RAB27A: variants seen among roughly 807,000 people sequenced by gnomAD.
The protein encoded by RAB27A is ras-related protein Rab-27A.
RAB27A carries 17 observed loss-of-function variants against 20.8 expected under a neutral mutation model. The ratio of observed to expected loss-of-function variants is 0.82; its 90% CI spans 0.56 to 1.23. The LOEUF (loss-of-function observed/expected upper bound fraction) is 1.23, where lower values mean the gene tolerates loss of function less well. RAB27A is among the 50% of genes most tolerant of loss of function. The probability of loss-of-function intolerance (pLI) is 0.00; values close to 1 mark genes in which losing one functional copy is unlikely to be tolerated. For missense variants in RAB27A, 277 were observed against 266.7 expected (o/e 1.04, Z -0.27); for synonymous variants, 85 against 92.8 (o/e 0.92, Z 0.48).
rs772009600 is a variant in RAB27A, at chr15:55,209,767, TATAC to T, written c.468-4066_468-4063del. Reference sequence around the variant, plus strand: ...ACATATATATGTGTATGTGTGTACATATACATATATACACACATATGTGTGTATG... The same window carrying T: ...ACATATATATGTGTATGTGTGTACATATATATACACACATATGTGTGTATG... On this transcript the variant is annotated intron_variant, in intron 6 of 6. Coordinates refer to ENST00000336787, the MANE Select transcript of RAB27A (RefSeq NM_183235.3). Among the ~76,000 whole-genome samples the T allele has an allele frequency of 5.4e-3, 624 of 115,334 alleles. 95 individuals carry two copies. The highest frequency in any genetic ancestry group is 0.027 in the African/African-American group (534 of 19,750). 75.7% of individuals were successfully genotyped at this position (115,334 alleles called of 152,430 possible).
At chr15:55,302,687 G>A (rs1033906564) in intron 2 of RAB27A, among the ~76,000 whole-genome samples, 150 of 114,640 alleles carry the variant, frequency 1.3e-3, no homozygotes, top group African/African-American at 6.3e-3. Flanking sequence ...CTGCCCGGCC[G>A]CCCATCGTCT....
At position 55,218,478 on chromosome 15, in the gene RAB27A, C is replaced by T. The variant is rs113090233; in HGVS notation, c.467+5411G>A. On this transcript the variant is annotated intron_variant, in intron 6 of 6. Coordinates refer to ENST00000336787, the MANE Select transcript of RAB27A (RefSeq NM_183235.3). ...CTATTAGAGATCAAGCTATTTGTAC[C>T]GCATTTCATCTAGTTCAAACTAGAG... Among the ~76,000 whole-genome samples the T allele has an allele frequency of 8.5e-5, 13 of 152,272 alleles. 1 individual carries two copies. The highest frequency in any genetic ancestry group is 2.1e-4 in the South Asian group (1 of 4,830).
chr15:55,238,677 G>A (rs1263769238), intron 2 of RAB27A, among the ~76,000 whole-genome samples: 2 of 152,122 alleles, frequency 1.3e-5, no homozygotes, highest in Non-Finnish European at 2.9e-5. Flanking sequence ...ATTGACTCTG[G>A]CCAGCTTAAA....
At chr15:55,253,523 C>A (rs1264326727) in intron 2 of RAB27A, among the ~76,000 whole-genome samples, 1 of 152,098 alleles carries the variant, frequency 6.6e-6, no homozygotes, top group Non-Finnish European at 1.5e-5. Context: ...CCTACCTAGG[C>A]AGATGGAAAG....
chr15:55,266,308 G>C (rs1897482970), intron 2 of RAB27A, among the ~76,000 whole-genome samples: 1 of 152,196 alleles, frequency 6.6e-6, no homozygotes, highest in Non-Finnish European at 1.5e-5. Flanking sequence ...CAGACTTTCA[G>C]CCTCTAGAAC....
chr15:55,215,683 C>T (rs558475594), intron 6 of RAB27A, among the ~76,000 whole-genome samples: 13 of 147,532 alleles, frequency 8.8e-5, no homozygotes, highest in African/African-American at 2.5e-4. Context: ...AACCTCAGGT[C>T]GGGCGCGGTA....
At chr15:55,309,858 G>A (rs557482167) in intron 2 of RAB27A, among the ~76,000 whole-genome samples, 1 of 152,082 alleles carries the variant, frequency 6.6e-6, no homozygotes, top group Non-Finnish European at 1.5e-5. Flanking sequence ...GGTTTTACTA[G>A]GCCTTGGGCT....
chr15:55,238,745 C>G (rs1374337937), intron 2 of RAB27A, among the ~76,000 whole-genome samples: 2 of 152,170 alleles, frequency 1.3e-5, no homozygotes, highest in Non-Finnish European at 2.9e-5. Context: ...GCTGAGTCAA[C>G]AAAGATCACT....
chr15:55,205,370 T>C lies in RAB27A; in HGVS notation c.*137A>G. The C allele has an allele frequency of 1.2e-6, 1 of 851,912 alleles. No homozygotes were observed. Among genetic ancestry groups the C allele is most frequent in the Non-Finnish European group, 2.0e-6 (1 of 506,254 alleles). The allele number at this position is 851,912 out of a possible 1,614,324, so 52.8% of individuals were successfully genotyped here. On this transcript the variant is annotated 3_prime_UTR_variant, in exon 7 of 7. Coordinates refer to ENST00000336787, the MANE Select transcript of RAB27A (RefSeq NM_183235.3). ...CAAATTAATTTTAGAACCGGATGCT[T>C]TATTCGTAGGTCTAATGGGGATGGT...
chr15:55,290,991 G>C (rs1898291966), upstream of RAB27A, among the ~76,000 whole-genome samples: 1 of 152,176 alleles, frequency 6.6e-6, no homozygotes, highest in Admixed American at 6.5e-5. Context: ...CTCACAGTTG[G>C]CATTACAGCA....
intron 3 of RAB27A, among the ~76,000 whole-genome samples, chr15:55,231,053 G>A (rs1041512049): frequency 6.6e-6 from 1 of 152,152 alleles, no homozygotes; most frequent in African/African-American, 2.4e-5. Flanking sequence ...CCACTTATAA[G>A]TGAGAATGCA....
At chr15:55,287,130 G>C (rs973043543) in intron 1 of RAB27A, among the ~76,000 whole-genome samples, 20 of 151,952 alleles carry the variant, frequency 1.3e-4, no homozygotes, top group African/African-American at 4.8e-4. Context: ...ATGTTGGCCA[G>C]CCTGGTCTTG....
At chr15:55,292,485 A>G (rs1374737142), upstream of RAB27A, among the ~76,000 whole-genome samples, 1 of 152,248 alleles carries the variant, frequency 6.6e-6, no homozygotes, top group African/African-American at 2.4e-5. Context: ...GGCAGTGGCC[A>G]TAAGGATGGA....
At chr15:55,258,653 T>C (rs1897168744) in intron 2 of RAB27A, among the ~76,000 whole-genome samples, 1 of 152,352 alleles carries the variant, frequency 6.6e-6, no homozygotes, top group Admixed American at 6.5e-5. Flanking sequence ...CCCAACTTCA[T>C]ATCTTCACCA....
At chr15:55,263,677 C>T (rs74015553) in intron 2 of RAB27A, among the ~76,000 whole-genome samples, 11,944 of 152,218 alleles carry the variant, frequency 0.078, 684 homozygotes, top group African/African-American at 0.16. Context: ...CAGCCCATGT[C>T]TCTTCTTAAT....
intron 2 of RAB27A, among the ~76,000 whole-genome samples, chr15:55,242,308 T>G (rs1241270190): frequency 6.6e-6 from 1 of 152,238 alleles, no homozygotes; most frequent in African/African-American, 2.4e-5. Flanking sequence ...TCATACCATA[T>G]AGAGACTGAT....
chr15:55,288,319 A>C (rs1566937244), intron 1 of RAB27A, among the ~76,000 whole-genome samples: 1 of 152,086 alleles, frequency 6.6e-6, no homozygotes. Flanking sequence ...TCAGGAGTTC[A>C]AGACCAGCCT....
At chr15:55,313,981 A>C (rs2055032061) in intron 2 of RAB27A, 1 of 133,332 alleles carries the variant, frequency 7.5e-6, no homozygotes, top group East Asian at 2.6e-4. Context: ...TCAATAAATA[A>C]ATAAATAAAT....
Position 55,223,849 on chromosome 15 carries a change from T to G in RAB27A, c.467+40A>C, listed in dbSNP as rs1388557295. On this transcript the variant is annotated intron_variant, in intron 6 of 6. Transcript: ENST00000336787. ...ACCATTCACCTGCTAATGTTTATAT[T>G]GAAAATGTTTTCTCTAGACTTCTCC... 4 of 1,608,278 alleles carry G rather than the reference T, an allele frequency of 2.5e-6. No homozygotes were observed. In the South Asian group the frequency reaches 4.4e-5, roughly 18 times the overall value.
Sources: gnomAD v4.1 joint callset for allele counts (sites outside exome capture counted in the v4.1 genomes callset) on GRCh38, gnomAD v4.1.1 for gene constraint, MANE v1.5 for transcripts, NCBI Gene and HGNC (gene_info 2026-07-23, HGNC 2026-07-21) for gene names.